The following SLC14A2 variants were observed in gnomAD, a reference collection of about 807,000 sequenced individuals.
SLC14A2 encodes the protein solute carrier family 14 member 2.
Under a neutral mutation model 104.6 loss-of-function variants are expected in SLC14A2, and 91 were observed. The observed-to-expected ratio is 0.87, with a 90% CI of 0.73 to 1.04. SLC14A2 has a LOEUF of 1.04. SLC14A2 is among the 50% of genes least tolerant of loss of function. The probability of loss-of-function intolerance (pLI) is 0.00; values close to 1 mark genes in which losing one functional copy is unlikely to be tolerated. For synonymous variants in SLC14A2, 476 were observed against 466.4 expected (o/e 1.02, Z -0.27); for missense variants, 1,189 against 1,156.0 (o/e 1.03, Z -0.41).
intron 1 of SLC14A2, among the ~76,000 whole-genome samples, chr18:45,361,005 T>C (rs2085604890): frequency 6.6e-6 from 1 of 152,196 alleles, no homozygotes; most frequent in Non-Finnish European, 1.5e-5. Flanking sequence ...TTTAAAAACA[T>C]TGAAATAAAA....
intron 1 of SLC14A2, among the ~76,000 whole-genome samples, chr18:45,237,967 A>G (rs2084272954): frequency 6.6e-6 from 1 of 152,216 alleles, no homozygotes; most frequent in Non-Finnish European, 1.5e-5. Context: ...AGCTTCATGC[A>G]TATTAATGAC....
chr18:45,658,042 A>T (rs2045871640), intron 10 of SLC14A2, among the ~76,000 whole-genome samples: 2 of 152,224 alleles, frequency 1.3e-5, no homozygotes, highest in Admixed American at 1.3e-4. Flanking sequence ...TAGAAAAAAA[A>T]AAGATCAAAT....
chr18:45,524,687 A>T (rs907667515), intron 2 of SLC14A2, among the ~76,000 whole-genome samples: 1 of 152,216 alleles, frequency 6.6e-6, no homozygotes, highest in African/African-American at 2.4e-5. Flanking sequence ...GTAAGTGACA[A>T]TCTTCATGGA....
At chr18:45,475,828 C>T (rs150042220) in intron 1 of SLC14A2, among the ~76,000 whole-genome samples, 3,986 of 151,410 alleles carry the variant, frequency 0.026, 66 homozygotes, top group Non-Finnish European at 0.041. Flanking sequence ...TTTCCATTTG[C>T]TTGGTAAATC....
chr18:45,682,818 G>A lies in SLC14A2; in HGVS notation c.*299G>A. The stretch of plus-strand genomic sequence containing the variant: ...ATCCTTAAAGAGAAGTCACCGGCCG[G>A]GCACGGTGGCTCACGCCTGTAATCC... On this transcript the variant is annotated 3_prime_UTR_variant, in exon 20 of 20. Transcript: ENST00000255226. 1 of 331,988 alleles carries A rather than the reference G, an allele frequency of 3.0e-6. No individual in the cohort carries two copies. The highest frequency in any genetic ancestry group is 5.8e-6 in the Non-Finnish European group (1 of 171,444). The allele number at this position is 331,988 out of a possible 1,614,324, so 20.6% of individuals were successfully genotyped here.
At chr18:45,366,009 A>AT (rs1194878046) in intron 1 of SLC14A2, among the ~76,000 whole-genome samples, 16 of 151,436 alleles carry the variant, frequency 1.1e-4, no homozygotes, top group African/African-American at 3.6e-4. Context: ...AAAAAAAAAA[A>AT]TCAACTTCAA....
intron 1 of SLC14A2, among the ~76,000 whole-genome samples, chr18:45,343,588 C>T (rs2144289140): frequency 6.6e-6 from 1 of 152,172 alleles, no homozygotes; most frequent in East Asian, 1.9e-4. Flanking sequence ...AATTGGATTC[C>T]CAGTTTCTCA....
intron 1 of SLC14A2, among the ~76,000 whole-genome samples, chr18:45,264,103 A>C (rs140081141): frequency 1.1e-4 from 17 of 152,344 alleles, no homozygotes; most frequent in African/African-American, 3.8e-4. Flanking sequence ...CATTATGAAG[A>C]GTATGAATCA....
In SLC14A2 at chr18:45,641,113, C is replaced by T. The variant is rs2045520281; in HGVS notation, c.992-96C>T. ...AGGTTTGGAGATGTGGGGTGAACAA[C>T]AGCATGGAGGCCACTCTGAGACCTG... On this transcript the variant is annotated intron_variant, in intron 7 of 19. Transcript: ENST00000255226. 10 of 1,345,596 alleles carry T rather than the reference C, an allele frequency of 7.4e-6. No homozygotes were observed. The South Asian group carries it at 7.9e-5, about 11-fold the overall frequency. 83.4% of individuals were successfully genotyped at this position (1,345,596 alleles called of 1,614,324 possible).
intron 1 of SLC14A2, among the ~76,000 whole-genome samples, chr18:45,407,598 T>G (rs191950417): frequency 6.6e-6 from 1 of 152,364 alleles, no homozygotes; most frequent in East Asian, 1.9e-4. Flanking sequence ...GTCTTGGCCT[T>G]TGACACGCCA....
intron 1 of SLC14A2, among the ~76,000 whole-genome samples, chr18:45,341,144 G>A (rs1450992469): frequency 6.6e-6 from 1 of 151,086 alleles, no homozygotes; most frequent in Non-Finnish European, 1.5e-5. Context: ...ATAGCCTCAG[G>A]CATTTCTCAT....
At chr18:45,207,858 C>A in the SLC14A2 span, among the ~76,000 whole-genome samples, 1 of 152,006 alleles carries the variant, frequency 6.6e-6, no homozygotes, top group Non-Finnish European at 1.5e-5. Flanking sequence ...ATTTGCAGAG[C>A]CCCTTATAAT....
At chr18:45,580,378 T>C (rs537635620) in intron 2 of SLC14A2, among the ~76,000 whole-genome samples, 3 of 152,118 alleles carry the variant, frequency 2.0e-5, no homozygotes, top group Non-Finnish European at 2.9e-5. Flanking sequence ...GGGAAGAACA[T>C]ACAGCAAGGC....
chr18:45,402,966 G>A (rs2086112582), intron 1 of SLC14A2, among the ~76,000 whole-genome samples: 1 of 152,132 alleles, frequency 6.6e-6, no homozygotes, highest in Admixed American at 6.5e-5. Flanking sequence ...TATTAGTAAG[G>A]CACTTCAGTA....
intron 1 of SLC14A2, among the ~76,000 whole-genome samples, chr18:45,414,545 G>T (rs117610081): frequency 6.6e-6 from 1 of 150,980 alleles, no homozygotes; most frequent in Non-Finnish European, 1.5e-5. Flanking sequence ...ATTTTGGTAC[G>T]TGTATACCTA....
intron 1 of SLC14A2, among the ~76,000 whole-genome samples, chr18:45,232,700 A>G (rs1203374193): frequency 6.6e-6 from 1 of 152,186 alleles, no homozygotes. Flanking sequence ...GTTACTTTTA[A>G]TAAATCTGTC....
intron 2 of SLC14A2, among the ~76,000 whole-genome samples, chr18:45,533,093 G>A (rs967498343): frequency 4.6e-5 from 7 of 152,170 alleles, no homozygotes; most frequent in East Asian, 3.9e-4. Context: ...TGCTGGATTC[G>A]GTTTGCCAGT....
chr18:45,356,184 C>T (rs1284450692), intron 1 of SLC14A2, among the ~76,000 whole-genome samples: 1 of 152,164 alleles, frequency 6.6e-6, no homozygotes. Context: ...AGGATGGGTT[C>T]TGTGGCTCCT....
At chr18:45,577,600 C>T (rs1239039440) in intron 2 of SLC14A2, among the ~76,000 whole-genome samples, 1 of 152,120 alleles carries the variant, frequency 6.6e-6, no homozygotes, top group Non-Finnish European at 1.5e-5. Context: ...ATCCAATTGC[C>T]CATCTGTTAG....
Sources: allele counts gnomAD v4.1 joint callset (sites outside exome capture counted in the v4.1 genomes callset), GRCh38; gene constraint gnomAD v4.1.1; transcripts MANE v1.5; gene names NCBI Gene and HGNC (gene_info 2026-07-23, HGNC 2026-07-21).